Variants in NEBL observed in about 807,000 individuals in gnomAD.
NEBL encodes LIM and SH3 protein 2.
A neutral mutation model predicts 140.2 loss-of-function variants in NEBL; 122 were observed. The ratio of observed to expected loss-of-function variants is 0.87; its 90% CI spans 0.75 to 1.01. The LOEUF (loss-of-function observed/expected upper bound fraction) is 1.01, where lower values mean the gene tolerates loss of function less well. NEBL is among the 50% of genes least tolerant of loss of function. The probability of loss-of-function intolerance (pLI) is 0.00; values close to 1 mark genes in which losing one functional copy is unlikely to be tolerated. For synonymous variants in NEBL, 436 were observed against 398.9 expected (o/e 1.09, Z -1.11); for missense variants, 1,365 against 1,231.3 (o/e 1.11, Z -1.62).
At chr10:21,020,232 T>G in intron 2 of NEBL, 1 of 1,566,484 alleles carries the variant, frequency 6.4e-7, no homozygotes, top group Non-Finnish European at 8.8e-7. Flanking sequence ...AGGACATAAT[T>G]AAAATATTGT....
At chr10:20,814,091 T>C (rs1342744602) in intron 22 of NEBL, 48 bp from the exon 23 acceptor site, 8 of 1,160,404 alleles carry the variant, frequency 6.9e-6, no homozygotes, top group Middle Eastern at 3.9e-4. Flanking sequence ...AAACACATGA[T>C]GTAACATTTT....
chr10:20,955,474 A>G (rs1053827724), intron 4 of NEBL, among the ~76,000 whole-genome samples: 4 of 152,172 alleles, frequency 2.6e-5, no homozygotes, highest in Admixed American at 1.3e-4. Flanking sequence ...ATGCAGAATG[A>G]CTCATGCAAA....
chr10:20,963,394 G>A (rs1050273312), intron 3 of NEBL, among the ~76,000 whole-genome samples: 4 of 152,152 alleles, frequency 2.6e-5, no homozygotes, highest in Non-Finnish European at 5.9e-5. Context: ...TGAAGACATA[G>A]GAAGAAATGC....
At chr10:21,007,998 A>T (rs1838201664) in intron 3 of NEBL, among the ~76,000 whole-genome samples, 1 of 152,248 alleles carries the variant, frequency 6.6e-6, no homozygotes. Flanking sequence ...AGTGTCCAGC[A>T]GTGAATTAAA....
At chr10:21,276,466 C>G (rs559799023) in intron 1 of NEBL, among the ~76,000 whole-genome samples, 1 of 152,258 alleles carries the variant, frequency 6.6e-6, no homozygotes, top group South Asian at 2.1e-4. Flanking sequence ...ATCTTCTACC[C>G]CTTCCTCACA....
At chr10:21,066,889 C>T (rs932207446) in intron 2 of NEBL, among the ~76,000 whole-genome samples, 5 of 151,590 alleles carry the variant, frequency 3.3e-5, no homozygotes, top group African/African-American at 9.7e-5. Context: ...GAACTTTTAG[C>T]ATCATGTTCA....
At chr10:21,241,337 A>AG (rs1223574125) in intron 3 of NEBL, among the ~76,000 whole-genome samples, 1 of 152,126 alleles carries the variant, frequency 6.6e-6, no homozygotes, top group African/African-American at 2.4e-5. Context: ...CCAGGCCACC[A>AG]GGGGGCCGCC....
At chr10:20,912,071 T>C (rs1407906805) in intron 4 of NEBL, among the ~76,000 whole-genome samples, 1 of 152,240 alleles carries the variant, frequency 6.6e-6, no homozygotes, top group African/African-American at 2.4e-5. Context: ...TTATAATAAC[T>C]TTTCTTATTC....
chr10:20,812,488 A>T (rs1838256779), intron 24 of NEBL, among the ~76,000 whole-genome samples: 1 of 106,142 alleles, frequency 9.4e-6, no homozygotes, highest in African/African-American at 3.4e-5. Flanking sequence ...ACCTCACAAC[A>T]GGCCCTGGTG....
chr10:20,903,490 T>C (rs1295925481), intron 4 of NEBL, among the ~76,000 whole-genome samples: 1 of 152,140 alleles, frequency 6.6e-6, no homozygotes, highest in Non-Finnish European at 1.5e-5. Flanking sequence ...AGAGCTACCA[T>C]AGGATTCAGC....
intron 18 of NEBL, among the ~76,000 whole-genome samples, chr10:20,825,836 C>G (rs367574627): frequency 1.3e-5 from 2 of 152,126 alleles, no homozygotes. Flanking sequence ...ACCCCTCCCC[C>G]CAGTCTAAAG....
chr10:20,982,862 G>C (rs1483071759), intron 3 of NEBL, among the ~76,000 whole-genome samples: 1 of 152,138 alleles, frequency 6.6e-6, no homozygotes, highest in Non-Finnish European at 1.5e-5. Context: ...CATATCTTAA[G>C]AATGCCAAGT....
intron 2 of NEBL, among the ~76,000 whole-genome samples, chr10:21,123,361 T>C (rs1838666354): frequency 6.6e-6 from 1 of 152,226 alleles, no homozygotes; most frequent in South Asian, 2.1e-4. Context: ...CTACTTAAGC[T>C]AGCAACAATA....
intron 2 of NEBL, among the ~76,000 whole-genome samples, chr10:21,027,502 A>AT (rs146819997): frequency 0.02 from 3,053 of 151,544 alleles, 93 homozygotes; most frequent in East Asian, 0.089. Flanking sequence ...TAATTTTTGT[A>AT]TTTTTTTGTT....
At chr10:20,945,021 G>C (rs568570550) in intron 4 of NEBL, among the ~76,000 whole-genome samples, 1 of 152,096 alleles carries the variant, frequency 6.6e-6, no homozygotes, top group South Asian at 2.1e-4. Context: ...TGAAATGTAG[G>C]GTTATTTCCT....
intron 9 of NEBL, among the ~76,000 whole-genome samples, chr10:20,857,391 G>T (rs1172313869): frequency 6.6e-6 from 1 of 152,066 alleles, no homozygotes; most frequent in South Asian, 2.1e-4. Context: ...TTTTTCTCAT[G>T]TCTTCCCCAA....
At chr10:20,970,648 TA>T (rs113310195) in intron 3 of NEBL, among the ~76,000 whole-genome samples, 293 of 146,858 alleles carry the variant, frequency 2.0e-3, no homozygotes, top group African/African-American at 5.8e-3. Context: ...GACCTCATCT[TA>T]AAAAAAAAAA....
chr10:20,799,195 AC>A (rs1320612762), intron 26 of NEBL, among the ~76,000 whole-genome samples: 5 of 152,148 alleles, frequency 3.3e-5, no homozygotes, highest in African/African-American at 1.2e-4. Flanking sequence ...TTGCTCCGTC[AC>A]CCAGGCTGGA....
chr10:21,213,113 C>T (rs896115310), intron 3 of NEBL, among the ~76,000 whole-genome samples: 13 of 152,056 alleles, frequency 8.5e-5, no homozygotes, highest in African/African-American at 3.1e-4. Flanking sequence ...ATAACCCAAG[C>T]CCTTCAAGCT....
Sources: gnomAD v4.1 joint callset for allele counts (sites outside exome capture counted in the v4.1 genomes callset) on GRCh38, gnomAD v4.1.1 for gene constraint, MANE v1.5 for transcripts, NCBI Gene and HGNC (gene_info 2026-07-23, HGNC 2026-07-21) for gene names.